The following CATSPERD variants were observed in gnomAD, a reference collection of about 807,000 sequenced individuals.
CATSPERD encodes cation channel sperm-associated auxiliary subunit delta.
A neutral mutation model predicts 98.1 loss-of-function variants in CATSPERD; 86 were observed. That is an observed-to-expected ratio of 0.88 (90% CI 0.74 to 1.05). The LOEUF (loss-of-function observed/expected upper bound fraction) is 1.05, where lower values mean the gene tolerates loss of function less well. CATSPERD is among the 50% of genes least tolerant of loss of function. CATSPERD has a pLI of 0.00. For synonymous variants in CATSPERD, 394 were observed against 390.2 expected, an observed-to-expected ratio of 1.01 and a Z score of -0.12; for missense variants, 995 against 1,005.7, an observed-to-expected ratio of 0.99 and a Z score of 0.14.
At chr19:5,757,978 C>A in intron 14 of CATSPERD, 46 bp downstream of exon 14, 2 of 1,483,112 alleles carry the variant, frequency 1.3e-6, no homozygotes, top group Non-Finnish European at 1.9e-6. Flanking sequence ...CCTTGAGAGG[C>A]CCCCTCTTCC....
chr19:5,777,501 C>A (rs1343155759), intron 21 of CATSPERD, among the ~76,000 whole-genome samples: 3 of 152,194 alleles, frequency 2.0e-5, no homozygotes, highest in Non-Finnish European at 4.4e-5. Flanking sequence ...CCCCTTCCGC[C>A]CTCTCTAGCC....
intron 7 of CATSPERD, among the ~76,000 whole-genome samples, chr19:5,742,229 CGT>C (rs1222396337): frequency 2.4e-4 from 35 of 144,104 alleles, no homozygotes; most frequent in East Asian, 2.1e-4. Flanking sequence ...CATGTGTGTG[CGT>C]GTGTGTACGT....
chr19:5,744,605 A>T, intron 8 of CATSPERD, 95 bp downstream of exon 8: 1 of 855,876 alleles, frequency 1.2e-6, no homozygotes, highest in East Asian at 3.2e-5. Flanking sequence ...TTATTTATTT[A>T]TTTAATTTTT....
chr19:5,748,503 C>T lies in CATSPERD; in HGVS notation c.904+248C>T, dbSNP rs1451234673. Among the ~76,000 whole-genome samples, 6 of 151,038 alleles carry T rather than the reference C, an allele frequency of 4.0e-5. No homozygotes were observed. The East Asian group carries it at 1.2e-3, about 30-fold the overall frequency. On this transcript the variant is annotated intron_variant, in intron 10 of 21. Transcript: ENST00000381624. Reference sequence around the variant, plus strand: ...AAAATAAGCTGGGCGTGGTGGTGGGCGACTATAATCCCAGCTACTCAGGAG... The same window carrying T: ...AAAATAAGCTGGGCGTGGTGGTGGGTGACTATAATCCCAGCTACTCAGGAG...
intron 13 of CATSPERD, among the ~76,000 whole-genome samples, chr19:5,756,185 G>T (rs1043852183): frequency 6.6e-6 from 1 of 151,876 alleles, no homozygotes; most frequent in African/African-American, 2.4e-5. Context: ...GGAGGCTGAC[G>T]TGGGAGAATC....
At chr19:5,770,809 G>A (rs993639885) in intron 18 of CATSPERD, 135 bp from the exon 19 acceptor site, 10 of 1,020,396 alleles carry the variant, frequency 9.8e-6, no homozygotes, top group African/African-American at 9.7e-5. Flanking sequence ...GCTCTCAATC[G>A]CCCACCTCAG....
intron 11 of CATSPERD, among the ~76,000 whole-genome samples, chr19:5,749,628 C>T (rs976559527): frequency 2.0e-5 from 3 of 151,982 alleles, no homozygotes; most frequent in Non-Finnish European, 2.9e-5. Flanking sequence ...TAGGCACCTT[C>T]GTGTATTACA....
rs138920275 is a variant in CATSPERD, at chr19:5,745,242, C to T, written c.658-671C>T. 3.3e-5 allele frequency among the ~76,000 whole-genome samples: 5 copies of T among 152,234 alleles called. No homozygotes were observed. The East Asian group carries it at 5.8e-4, about 18-fold the overall frequency. ...CTGAGATTACAGGTGTGAGCCACTG[C>T]GCCTGGCCCAATGGTACCATTTCAG... On this transcript the variant is annotated intron_variant, in intron 8 of 21. Coordinates refer to ENST00000381624, the MANE Select transcript of CATSPERD (RefSeq NM_152784.4).
intron 14 of CATSPERD, 60 bp downstream of exon 14, chr19:5,757,992 T>C: frequency 7.1e-7 from 1 of 1,400,426 alleles, no homozygotes; most frequent in Non-Finnish European, 9.9e-7. Context: ...CTCTTCCTCC[T>C]TCCCTTATCA....
At position 5,744,700 on chromosome 19, in the gene CATSPERD, A is replaced by G. The variant is rs547953355; in HGVS notation, c.657+190A>G. ...ACTGCAACCTCCACCTTTCAACTTC[A>G]AGCAATTCTCCTGCCTCAGCCTCCC... On this transcript the variant is annotated intron_variant, in intron 8 of 21. Coordinates refer to ENST00000381624, the MANE Select transcript of CATSPERD (RefSeq NM_152784.4). Among the ~76,000 whole-genome samples, 7 of 151,926 alleles carry G rather than the reference A, an allele frequency of 4.6e-5. No homozygotes were observed. The South Asian group carries it at 1.5e-3, about 32-fold the overall frequency.
intron 21 of CATSPERD, among the ~76,000 whole-genome samples, chr19:5,777,441 C>T (rs560483902): frequency 4.6e-5 from 7 of 152,296 alleles, no homozygotes; most frequent in African/African-American, 1.7e-4. Context: ...ACCTAGCCTC[C>T]ACTGTCACCC....
chr19:5,738,277 G>A (rs1367475357), intron 6 of CATSPERD, among the ~76,000 whole-genome samples: 1 of 148,754 alleles, frequency 6.7e-6, no homozygotes, highest in African/African-American at 2.5e-5. Flanking sequence ...CGTGCTGGCA[G>A]TCACCTGTAA....
At chr19:5,726,183 T>A (rs1404173241) in intron 2 of CATSPERD, among the ~76,000 whole-genome samples, 1 of 151,320 alleles carries the variant, frequency 6.6e-6, no homozygotes, top group Non-Finnish European at 1.5e-5. Flanking sequence ...TGCCTCAGCC[T>A]CCCAAGTAGC....
At chr19:5,733,307 TTTTC>T (rs143559496) in intron 4 of CATSPERD, among the ~76,000 whole-genome samples, 108 of 146,896 alleles carry the variant, frequency 7.4e-4, no homozygotes, top group East Asian at 1.2e-3. Context: ...TTCTTTTTCT[TTTTC>T]TTTCTTTCTT....
chr19:5,720,900 A>G lies in CATSPERD; in HGVS notation c.71+92A>G, dbSNP rs905564526. On this transcript the variant is annotated intron_variant, in intron 1 of 21. Coordinates refer to ENST00000381624, the MANE Select transcript of CATSPERD (RefSeq NM_152784.4). ...GAGCCGAGGCCTGCTCCCCAACCTC[A>G]CTGAGGCTCCCCTTTTACTCTTTTT... is the stretch of plus-strand genomic sequence containing the variant. The G allele has an allele frequency of 4.0e-6, 4 of 995,564 alleles. No individual in the cohort carries two copies. In the African/African-American group the frequency reaches 6.5e-5, roughly 16 times the overall value. The allele number at this position is 995,564 out of a possible 1,614,324, so 61.7% of individuals were successfully genotyped here.
intron 14 of CATSPERD, among the ~76,000 whole-genome samples, chr19:5,758,751 A>G (rs747918723): frequency 2.0e-5 from 3 of 150,798 alleles, no homozygotes; most frequent in Non-Finnish European, 4.4e-5. Flanking sequence ...TTAAAAAAAA[A>G]AGAGAAGAAA....
At chr19:5,769,000 G>A (rs549509260) in intron 18 of CATSPERD, among the ~76,000 whole-genome samples, 5 of 151,818 alleles carry the variant, frequency 3.3e-5, no homozygotes, top group East Asian at 3.9e-4. Context: ...CTAAAAATAC[G>A]AAAATTAGCC....
At chr19:5,763,847 CTTTTT>C (rs56352544) in intron 16 of CATSPERD, among the ~76,000 whole-genome samples, 1 of 62,118 alleles carries the variant, frequency 1.6e-5, no homozygotes, top group African/African-American at 5.2e-5. Context: ...TCTTGAACTC[CTTTTT>C]TTTTTTTTTT....
In CATSPERD at chr19:5,776,236, G is replaced by A. The variant is rs757634282; in HGVS notation, c.2017G>A (p.Gly673Ser). The A allele has an allele frequency of 1.3e-5, 21 of 1,614,048 alleles. No individual in the cohort carries two copies. Among genetic ancestry groups the A allele is most frequent in the East Asian group, 8.9e-5 (4 of 44,884 alleles). Reference protein sequence around the residue: ...WPDVQYQILGGRTANQIIFGH... With the variant: ...WPDVQYQILGSRTANQIIFGH... ...AGACGTCCAGTATCAGATCTTGGGC[G>A]GCCGGACAGCAAACCAGATCATTTT... The change falls in exon 21 of 22, where the codon GGC becomes AGC. Residue 673 changes from glycine to serine, a missense_variant. Physicochemically the swap from Gly to Ser is moderately conservative, Grantham distance 56. Around this residue, in one of 3 missense-constraint regions of CATSPERD, gnomAD observed 762 missense variants for 773.7 expected, o/e 0.98. Transcript: ENST00000381624.
Sources: allele counts gnomAD v4.1 joint callset (sites outside exome capture counted in the v4.1 genomes callset), GRCh38; gene constraint gnomAD v4.1.1; regional missense constraint gnomAD v4.1.1; transcripts MANE v1.5; gene names NCBI Gene and HGNC (gene_info 2026-07-23, HGNC 2026-07-21).